MIER3: variants seen among roughly 807,000 people sequenced by gnomAD.
MIER3 encodes mesoderm induction early response protein 3.
A neutral mutation model predicts 63.2 loss-of-function variants in MIER3; 9 were observed. The ratio of observed to expected loss-of-function variants is 0.14; its 90% confidence interval spans 0.09 to 0.25. The LOEUF (loss-of-function observed/expected upper bound fraction) is 0.25, where lower values mean the gene tolerates loss of function less well. Among genes scored for constraint, MIER3 ranks in the 10% least tolerant of loss-of-function variants. The probability of loss-of-function intolerance (pLI) is 1.00; values close to 1 mark genes in which losing one functional copy is unlikely to be tolerated. For synonymous variants in MIER3, 205 were observed against 224.9 expected, an observed-to-expected ratio of 0.91 and a Z score of 0.79; for missense variants, 512 against 666.2, an observed-to-expected ratio of 0.77 and a Z score of 2.55.
chr5:56,938,252 C>T (rs367806672), intron 4 of MIER3: 5 of 471,052 alleles, frequency 1.1e-5, no homozygotes, highest in South Asian at 4.6e-5. Flanking sequence ...GTCTGTGGTA[C>T]ATTAATATCA....
intron 3 of MIER3, 128 bp downstream of exon 3, chr5:56,946,798 A>G (rs1233871568): frequency 2.9e-6 from 2 of 699,926 alleles, no homozygotes; most frequent in African/African-American, 1.9e-5. Flanking sequence ...TTATTAGGCT[A>G]TCCCCCAAAA....
rs557794986 is a variant in MIER3 at position 56,921,515 on chromosome 5, G to C, written c.*1613C>G. 6.6e-6 allele frequency: 1 copy of C among 152,518 alleles called. No individual in the cohort carries two copies. Among genetic ancestry groups the C allele is most frequent in the Admixed American group, 6.5e-5 (1 of 15,276 alleles). The allele number at this position is 152,518 out of a possible 1,614,324, so 9.4% of individuals were successfully genotyped here. A position where few individuals can be genotyped will look rare whatever the true frequency, so the allele number is the denominator to read the frequency against. ...AAATTTTATACTAATGTGCTACTGCGTAAACACTTCAAAGCAATCTTCATT... is the reference window on the plus strand; with the variant it reads ...AAATTTTATACTAATGTGCTACTGCCTAAACACTTCAAAGCAATCTTCATT... On this transcript the variant is annotated 3_prime_UTR_variant, in exon 13 of 13. Coordinates refer to ENST00000381199, the MANE Select transcript of MIER3 (RefSeq NM_001297599.2).
rs1215544119 is a variant in MIER3, at chr5:56,941,140, A to C, written c.181-2123T>G. ...TCACAAGGAATTCAGTCTTAGTGGG[A>C]GGAACTTAGTGGGAGTAAGTCTCAA... On this transcript the variant is annotated intron_variant, in intron 3 of 12. Transcript: ENST00000381199. The C allele has an allele frequency of 5.1e-6, 5 of 985,352 alleles. No individual in the cohort carries two copies. In the African/African-American group the frequency reaches 7.0e-5, roughly 14 times the overall value. 61.0% of individuals were successfully genotyped at this position (985,352 alleles called of 1,614,324 possible).
intron 10 of MIER3, chr5:56,925,351 T>C (rs1749913410): frequency 4.4e-6 from 2 of 454,618 alleles, no homozygotes; most frequent in Middle Eastern, 3.3e-4. Context: ...ACTGTCTACG[T>C]AGAAAACTCC....
chr5:56,940,697 A>C (rs1291651514), intron 3 of MIER3, among the ~76,000 whole-genome samples: 2 of 152,276 alleles, frequency 1.3e-5, no homozygotes, highest in African/African-American at 4.8e-5. Flanking sequence ...TGGAATCAGC[A>C]TAAATTGAAT....
rs949338953 is a variant in MIER3, at chr5:56,942,340, T to C, written c.181-3323A>G. Among the ~76,000 whole-genome samples, 5 of 152,340 alleles carry C rather than the reference T, an allele frequency of 3.3e-5. No homozygotes were observed. In the East Asian group the frequency reaches 9.6e-4, roughly 29 times the overall value. On this transcript the variant is annotated intron_variant, in intron 3 of 12. Coordinates refer to ENST00000381199, the MANE Select transcript of MIER3 (RefSeq NM_001297599.2). ...GATTTGTATTTTGGAAATAATGTTG[T>C]AAGGGAAGTAGAATGAGAGCCTGAA... is the stretch of plus-strand genomic sequence containing the variant.
At chr5:56,927,885 G>C (rs994441500) in intron 10 of MIER3, 2 of 152,058 alleles carry the variant, frequency 1.3e-5, no homozygotes, top group Admixed American at 1.3e-4. Context: ...TCTCCCTCCT[G>C]CCTCGGCCCT....
chr5:56,929,759 G>C (rs1047756707), intron 9 of MIER3, among the ~76,000 whole-genome samples: 1 of 152,128 alleles, frequency 6.6e-6, no homozygotes, highest in South Asian at 2.1e-4. Context: ...GGTGAATTCC[G>C]TATCTACTTG....
Position 56,923,052 on chromosome 5 carries a change from G to T in MIER3, c.*76C>A. On this transcript the variant is annotated 3_prime_UTR_variant, in exon 13 of 13. Coordinates refer to ENST00000381199, the MANE Select transcript of MIER3 (RefSeq NM_001297599.2). ...AGTGAGAAAGGTTCAAACTTCCAGT[G>T]AAAGACTATGCAAACCTGATAGCTC... 1 of 1,263,736 alleles carries T rather than the reference G, an allele frequency of 7.9e-7. No homozygotes were observed. The highest frequency in any genetic ancestry group is 2.1e-5 in the Admixed American group (1 of 47,698). 78.3% of individuals were successfully genotyped at this position (1,263,736 alleles called of 1,614,324 possible).
chr5:56,944,356 C>T (rs944884511), intron 3 of MIER3, among the ~76,000 whole-genome samples: 1 of 151,976 alleles, frequency 6.6e-6, no homozygotes. Flanking sequence ...TGGCGGGCAC[C>T]TATAGTCCCA....
At chr5:56,946,758 A>G (rs1260103909) in intron 3 of MIER3, among the ~76,000 whole-genome samples, 168 bp downstream of exon 3, 1 of 152,112 alleles carries the variant, frequency 6.6e-6, no homozygotes, top group Non-Finnish European at 1.5e-5. Context: ...CAGATACAAA[A>G]TAATTTTGAA....
Position 56,923,239 on chromosome 5 carries a change from A to T in MIER3, c.1542T>A (p.Ser514Arg), listed in dbSNP as rs761774332. 2 of 1,614,122 alleles carry T rather than the reference A, an allele frequency of 1.2e-6. No homozygotes were observed. Among genetic ancestry groups the T allele is most frequent in the Non-Finnish European group, 1.7e-6 (2 of 1,180,022 alleles). Reference sequence around the variant, plus strand: ...CAGCCACAGAAACAGCCATTTTGGCACTGGTGATGTGATGTGTGTGATTTT... The same window carrying T: ...CAGCCACAGAAACAGCCATTTTGGCTCTGGTGATGTGATGTGTGTGATTTT... ...DFENHTHHITSAKMAVSVADF... is the reference protein window; with the variant it reads ...DFENHTHHITRAKMAVSVADF... Residue 514 changes from serine to arginine, a missense_variant, in exon 13 of 13, where the codon AGT (serine) becomes AGA (arginine). Ser to Arg is a moderately radical substitution (Grantham distance 110). Around this residue, in one of 5 missense-constraint regions of MIER3, gnomAD observed 218 missense variants for 251.2 expected, o/e 0.87. Transcript: ENST00000381199.
intron 8 of MIER3, among the ~76,000 whole-genome samples, chr5:56,932,010 G>C (rs1318809490): frequency 6.6e-6 from 1 of 152,118 alleles, no homozygotes; most frequent in Non-Finnish European, 1.5e-5. Context: ...ATATAATAGA[G>C]GGCCAGGCAA....
At position 56,932,379 on chromosome 5, in the gene MIER3, A is replaced by C. The variant is rs547932084; in HGVS notation, c.747+868T>G. On this transcript the variant is annotated intron_variant, in intron 8 of 12. Coordinates refer to ENST00000381199, the MANE Select transcript of MIER3 (RefSeq NM_001297599.2). ...TGCATGTGATATTCAAAAAAGCAAA[A>C]ACATTTGAGTTTCTAATGTTATAAA... Among the ~76,000 whole-genome samples the C allele has an allele frequency of 5.9e-5, 9 of 152,358 alleles. No homozygotes were observed. In the South Asian group the frequency reaches 1.9e-3, roughly 32 times the overall value.
chr5:56,949,372 T>C (rs1284938013), intron 2 of MIER3, among the ~76,000 whole-genome samples: 2 of 152,162 alleles, frequency 1.3e-5, no homozygotes, highest in Non-Finnish European at 2.9e-5. Flanking sequence ...AAGAGGCTAA[T>C]TGATTAAAAA....
intron 3 of MIER3, among the ~76,000 whole-genome samples, chr5:56,942,154 T>G (rs946270085): frequency 6.6e-6 from 1 of 152,186 alleles, no homozygotes; most frequent in African/African-American, 2.4e-5. Flanking sequence ...GATATAAATC[T>G]GGCATTCATT....
At chr5:56,951,370 A>T (rs1181653274) in intron 1 of MIER3, among the ~76,000 whole-genome samples, 2 of 151,628 alleles carry the variant, frequency 1.3e-5, no homozygotes, top group Non-Finnish European at 2.9e-5. Flanking sequence ...CCCGGGGGAC[A>T]TGGCCGGGGC....
At chr5:56,950,716 A>G in intron 1 of MIER3, 64 bp from the exon 2 acceptor site, 1 of 1,588,714 alleles carries the variant, frequency 6.3e-7, no homozygotes, top group Non-Finnish European at 8.6e-7. Context: ...CAGCGCCGGC[A>G]ACAGGGCGCA....
At chr5:56,928,589 G>T in intron 10 of MIER3, 178 bp downstream of exon 10, 1 of 488,874 alleles carries the variant, frequency 2.0e-6, no homozygotes, top group Non-Finnish European at 3.7e-6. Context: ...TATACTATCA[G>T]CCATTCCATA....
Sources: gnomAD v4.1 joint callset for allele counts (sites outside exome capture counted in the v4.1 genomes callset) on GRCh38, gnomAD v4.1.1 for gene constraint, gnomAD v4.1.1 regional missense constraint, MANE v1.5 for transcripts, NCBI Gene and HGNC (gene_info 2026-07-23, HGNC 2026-07-21) for gene names.